Variants in ELAVL4 observed in about 807,000 individuals in gnomAD.
The protein encoded by ELAVL4 is ELAV like RNA binding protein 4, also known as ELAV-like protein 4.
In ELAVL4, 1 loss-of-function variant was observed where a neutral mutation model predicts 35.6. The observed-to-expected ratio is 0.03, with a 90% CI of 0.01 to 0.13. The LOEUF (loss-of-function observed/expected upper bound fraction) is 0.13, where lower values mean the gene tolerates loss of function less well. Among genes scored for constraint, ELAVL4 ranks in the 10% least tolerant of loss-of-function variants. The pLI is 1.00. For synonymous variants in ELAVL4, 156 were observed against 171.0 expected (o/e 0.91, Z 0.69); for missense variants, 267 against 464.9 (o/e 0.57, Z 3.91).
At chr1:50,076,485 A>G (rs911204786) in intron 1 of ELAVL4, among the ~76,000 whole-genome samples, 3 of 152,208 alleles carry the variant, frequency 2.0e-5, no homozygotes, top group African/African-American at 7.2e-5. Flanking sequence ...ATGTATGTAT[A>G]CAAAAACACC....
chr1:50,143,755 TGC>T (rs1186440413), intron 1 of ELAVL4, among the ~76,000 whole-genome samples: 1 of 152,114 alleles, frequency 6.6e-6, no homozygotes, highest in Non-Finnish European at 1.5e-5. Context: ...AATTATGGGC[TGC>T]GTTTGGGGCC....
chr1:50,106,532 G>C (rs969359008), upstream of ELAVL4: 31 of 643,598 alleles, frequency 4.8e-5, no homozygotes, highest in Non-Finnish European at 7.1e-5. Context: ...ATGACTGGGA[G>C]ACTCGCCTGC....
At position 50,125,840 on chromosome 1, in the gene ELAVL4, G is replaced by C. The variant is rs374520417; in HGVS notation, c.9+16642G>C. Among the ~76,000 whole-genome samples the C allele has an allele frequency of 3.4e-4, 51 of 152,096 alleles. 1 individual carries two copies. In the South Asian group the frequency reaches 8.5e-3, roughly 25 times the overall value. ...TCCATGAGTGTTCTGCTGGTTAAGG[G>C]CATCTTAGGAGTCTGCAAAATGGGG... On this transcript the variant is annotated intron_variant, in intron 1 of 6. Transcript: ENST00000371824.
intron 1 of ELAVL4, chr1:50,115,247 G>A (rs867297240): frequency 3.9e-5 from 6 of 152,168 alleles, no homozygotes; most frequent in Middle Eastern, 3.4e-3. Flanking sequence ...CCTCTACAAG[G>A]ATCAAGAAAT....
intron 1 of ELAVL4, among the ~76,000 whole-genome samples, chr1:50,090,052 TG>T (rs1358172214): frequency 6.6e-6 from 1 of 152,118 alleles, no homozygotes; most frequent in Non-Finnish European, 1.5e-5. Context: ...ATCAGAGAGT[TG>T]GGTGGAGGTT....
At chr1:50,069,611 C>T (rs561479126) in intron 1 of ELAVL4, among the ~76,000 whole-genome samples, 30 of 152,266 alleles carry the variant, frequency 2.0e-4, no homozygotes, top group African/African-American at 5.5e-4. Flanking sequence ...CATTGTTTTC[C>T]GGTGTTCCTC....
chr1:50,195,647 A>T lies in ELAVL4; in HGVS notation c.595A>T (p.Ser199Cys). 1 of 1,614,178 alleles carries T rather than the reference A, an allele frequency of 6.2e-7. No homozygotes were observed. The highest frequency in any genetic ancestry group is 8.5e-7 in the Non-Finnish European group (1 of 1,180,016). ...AIKGLNGQKP[S>C]GATEPITVKF... The stretch of plus-strand genomic sequence containing the variant: ...CAAAGGGCTGAATGGCCAGAAGCCC[A>T]GCGGTGCTACGGAACCGATTACTGT... The change falls in exon 5 of 7, where the codon AGC becomes TGC. Residue 199 changes from serine (S) to cysteine (C), a missense_variant. Ser to Cys is a moderately radical substitution (Grantham distance 112, BLOSUM62 -1). Transcript: ENST00000371824.
intron 1 of ELAVL4, among the ~76,000 whole-genome samples, chr1:50,138,622 T>C (rs1276717592): frequency 2.0e-5 from 3 of 152,006 alleles, no homozygotes; most frequent in African/African-American, 7.2e-5. Context: ...CCCGCCATCA[T>C]GCCTGGCAAA....
intron 2 of ELAVL4, 119 bp downstream of exon 2, chr1:50,145,316 G>A: frequency 8.2e-6 from 12 of 1,456,206 alleles, no homozygotes; most frequent in Middle Eastern, 1.9e-4. Flanking sequence ...AAGATGGCAT[G>A]GATACACAGT....
chr1:50,100,944 A>T (rs1665945340), upstream of ELAVL4, among the ~76,000 whole-genome samples: 1 of 151,522 alleles, frequency 6.6e-6, no homozygotes, highest in Non-Finnish European at 1.5e-5. Flanking sequence ...CCCATTCTAC[A>T]TATTAGTAAT....
chr1:50,151,054 C>T (rs1007537021), intron 2 of ELAVL4, among the ~76,000 whole-genome samples: 3 of 152,220 alleles, frequency 2.0e-5, no homozygotes, highest in African/African-American at 4.8e-5. Flanking sequence ...ACATAATCCT[C>T]ATGATGGCCA....
upstream of ELAVL4, chr1:50,106,165 T>A: frequency 1.9e-6 from 1 of 537,242 alleles, no homozygotes; most frequent in Non-Finnish European, 3.2e-6. Context: ...TCCTAGCCCA[T>A]TGTGCCACGT....
intron 1 of ELAVL4, among the ~76,000 whole-genome samples, chr1:50,056,083 CT>C (rs965144245): frequency 2.0e-5 from 3 of 152,124 alleles, no homozygotes; most frequent in Non-Finnish European, 2.9e-5. Context: ...GGGTGCCCAT[CT>C]TTTTCCCTAC....
At chr1:50,104,070 G>A, upstream of ELAVL4, 1 of 1,578,342 alleles carries the variant, frequency 6.3e-7, no homozygotes, top group Non-Finnish European at 8.7e-7. Flanking sequence ...TGATTGGCTG[G>A]ATTTGCCTTA....
chr1:50,117,456 GA>G (rs1668154239), intron 1 of ELAVL4, among the ~76,000 whole-genome samples: 1 of 152,124 alleles, frequency 6.6e-6, no homozygotes, highest in African/African-American at 2.4e-5. Flanking sequence ...TTTGTCTTAA[GA>G]AACTGGCAAG....
intron 1 of ELAVL4, among the ~76,000 whole-genome samples, chr1:50,061,001 G>A (rs1350772841): frequency 1.3e-5 from 2 of 152,138 alleles, no homozygotes; most frequent in Non-Finnish European, 2.9e-5. Context: ...AAAAATCAAA[G>A]CTTTGAATAA....
At chr1:50,133,454 G>A (rs1257285888) in intron 1 of ELAVL4, among the ~76,000 whole-genome samples, 1 of 151,928 alleles carries the variant, frequency 6.6e-6, no homozygotes, top group Non-Finnish European at 1.5e-5. Context: ...ACCTTCCCAG[G>A]GAATGTTTAG....
chr1:50,150,311 A>G (rs936616088), intron 2 of ELAVL4, among the ~76,000 whole-genome samples: 1 of 152,212 alleles, frequency 6.6e-6, no homozygotes, highest in Non-Finnish European at 1.5e-5. Context: ...GGTTTAATTA[A>G]TATCATTTAG....
At chr1:50,185,576 C>G (rs983597736) in intron 3 of ELAVL4, among the ~76,000 whole-genome samples, 3 of 152,308 alleles carry the variant, frequency 2.0e-5, no homozygotes, top group Admixed American at 2.0e-4. Flanking sequence ...CTTGATCTCA[C>G]TGAGCCAGAG....
Sources: gnomAD v4.1 joint callset for allele counts (sites outside exome capture counted in the v4.1 genomes callset) on GRCh38, gnomAD v4.1.1 for gene constraint, MANE v1.5 for transcripts, NCBI Gene and HGNC (gene_info 2026-07-23, HGNC 2026-07-21) for gene names.